APC: variants seen among roughly 807,000 people sequenced by gnomAD.
APC encodes the protein APC regulator of Wnt signaling pathway, also known as adenomatous polyposis coli protein.
In APC, 72 loss-of-function variants were observed where a neutral mutation model predicts 247.0. That is an observed-to-expected ratio of 0.29 (90% CI 0.24 to 0.35). The LOEUF (loss-of-function observed/expected upper bound fraction) is 0.35. Among genes scored for constraint, APC ranks in the 10% least tolerant of loss-of-function variants. The probability of loss-of-function intolerance (pLI) is 1.00; values close to 1 mark genes in which losing one functional copy is unlikely to be tolerated. For synonymous variants in APC, 1,254 were observed against 1,162.5 expected (o/e 1.08, Z -1.60); for missense variants, 3,400 against 3,360.7 (o/e 1.01, Z -0.29).
At chr5:112,824,502 A>G (rs1490786954) in intron 11 of APC, among the ~76,000 whole-genome samples, 3 of 152,156 alleles carry the variant, frequency 2.0e-5, no homozygotes, top group African/African-American at 7.2e-5. Context: ...GATATCTGCC[A>G]CATTCTTATT....
chr5:112,776,862 TAAAAAA>T (rs199876543), intron 5 of APC, among the ~76,000 whole-genome samples: 1 of 146,026 alleles, frequency 6.8e-6, no homozygotes. Context: ...AAAGAAAAAA[TAAAAAA>T]AAAAATAAAT....
At chr5:112,728,474 C>G (rs2149668371) in intron 1 of APC, among the ~76,000 whole-genome samples, 1 of 152,260 alleles carries the variant, frequency 6.6e-6, no homozygotes, top group East Asian at 1.9e-4. Context: ...TCCAGTGTTG[C>G]TCAGGGAAGC....
intron 1 of APC, among the ~76,000 whole-genome samples, chr5:112,717,151 C>T (rs141187480): frequency 0.047 from 7,102 of 152,180 alleles, 509 homozygotes; most frequent in African/African-American, 0.16. Context: ...GCTGGGATTA[C>T]AGGCATGTGC....
At chr5:112,786,954 T>G (rs977977638) in intron 6 of APC, among the ~76,000 whole-genome samples, 2 of 150,434 alleles carry the variant, frequency 1.3e-5, no homozygotes, top group Admixed American at 1.3e-4. Context: ...GTCATGCAAT[T>G]TTGTCTCACT....
intron 1 of APC, among the ~76,000 whole-genome samples, chr5:112,749,223 T>A (rs1754017948): frequency 6.6e-6 from 1 of 152,242 alleles, no homozygotes; most frequent in Non-Finnish European, 1.5e-5. Flanking sequence ...TTTAGATTTT[T>A]CAAATCAACA....
chr5:112,776,892 A>G (rs1757722436), intron 5 of APC, among the ~76,000 whole-genome samples: 2 of 152,078 alleles, frequency 1.3e-5, no homozygotes, highest in African/African-American at 4.8e-5. Flanking sequence ...TCACTAGAGG[A>G]ATCTTTAAGT....
intron 4 of APC, among the ~76,000 whole-genome samples, chr5:112,769,053 T>C (rs530023373): frequency 9.4e-5 from 13 of 137,650 alleles, no homozygotes; most frequent in East Asian, 2.1e-4. Flanking sequence ...TTTTCTTCTT[T>C]TTTTTTTTTT....
intron 1 of APC, among the ~76,000 whole-genome samples, chr5:112,743,151 C>G (rs371275892): frequency 6.6e-6 from 1 of 152,170 alleles, no homozygotes; most frequent in Non-Finnish European, 1.5e-5. Context: ...TCTTCAGTGC[C>G]AGCAGCATTC....
chr5:112,810,603 G>C (rs1470844276), intron 8 of APC, among the ~76,000 whole-genome samples: 1 of 152,188 alleles, frequency 6.6e-6, no homozygotes, highest in Non-Finnish European at 1.5e-5. Context: ...CTCTAATGCT[G>C]CCTGGCACTT....
intron 14 of APC, among the ~76,000 whole-genome samples, chr5:112,834,487 C>T (rs930321074): frequency 1.1e-4 from 17 of 151,670 alleles, no homozygotes; most frequent in Admixed American, 1.1e-3. Context: ...TCAGATGATC[C>T]ACCCGTCAGC....
At chr5:112,788,515 A>C (rs924057525) in intron 6 of APC, among the ~76,000 whole-genome samples, 1 of 152,172 alleles carries the variant, frequency 6.6e-6, no homozygotes, top group Non-Finnish European at 1.5e-5. Flanking sequence ...AGATAGTGAT[A>C]AACTGTAAAA....
At chr5:112,776,352 A>T (rs1757648306) in intron 5 of APC, among the ~76,000 whole-genome samples, 1 of 152,210 alleles carries the variant, frequency 6.6e-6, no homozygotes, top group African/African-American at 2.4e-5. Context: ...GCATATAATG[A>T]ATGTGTTGGA....
At chr5:112,767,846 G>T (rs2149791469) in intron 4 of APC, among the ~76,000 whole-genome samples, 1 of 150,986 alleles carries the variant, frequency 6.6e-6, no homozygotes, top group Non-Finnish European at 1.5e-5. Flanking sequence ...GGCCAAGCTG[G>T]TTATCACTTA....
intron 4 of APC, among the ~76,000 whole-genome samples, chr5:112,773,956 A>G (rs965459393): frequency 6.6e-6 from 1 of 152,222 alleles, no homozygotes; most frequent in African/African-American, 2.4e-5. Context: ...TGAATTAAAC[A>G]CTTAAATTGG....
intron 8 of APC, among the ~76,000 whole-genome samples, chr5:112,814,449 A>G (rs940233365): frequency 3.3e-5 from 5 of 152,052 alleles, no homozygotes; most frequent in Non-Finnish European, 5.9e-5. Context: ...CAAGCTTGAC[A>G]CCTCCAAGTT....
chr5:112,819,142 G>A lies in APC; in HGVS notation c.1110G>A (p.Leu370=), dbSNP rs1439967202. The A allele has an allele frequency of 6.2e-7, 1 of 1,613,898 alleles. No homozygotes were observed. Among genetic ancestry groups the A allele is most frequent in the Non-Finnish European group, 8.5e-7 (1 of 1,179,988 alleles). ...GCAATGACAAAGACTCTGTATTGTT[G>A]GGAAATTCCCGGGGCAGTAAAGAGG... The part of the protein sequence containing the change: ...LHGNDKDSVL[L]GNSRGSKEAR... Residue 370 remains leucine, a synonymous_variant, in exon 10 of 16, where the codon TTG becomes TTA. Transcript: ENST00000257430.
At chr5:112,783,275 A>T (rs915858844) in intron 6 of APC, among the ~76,000 whole-genome samples, 1 of 152,170 alleles carries the variant, frequency 6.6e-6, no homozygotes, top group Non-Finnish European at 1.5e-5. Context: ...TTCTTACTTT[A>T]TTCTGGAATG....
intron 5 of APC, among the ~76,000 whole-genome samples, chr5:112,776,415 G>A (rs891490841): frequency 5.3e-5 from 8 of 152,198 alleles, no homozygotes; most frequent in Non-Finnish European, 1.0e-4. Context: ...TTTGTTCACC[G>A]ATTTATGACA....
At chr5:112,811,943 C>T (rs181853742) in intron 8 of APC, among the ~76,000 whole-genome samples, 3 of 152,254 alleles carry the variant, frequency 2.0e-5, no homozygotes, top group African/African-American at 7.2e-5. Flanking sequence ...GGATCTGCTT[C>T]TAAGTTCACT....
Sources: gnomAD v4.1 joint callset for allele counts (sites outside exome capture counted in the v4.1 genomes callset) on GRCh38, gnomAD v4.1.1 for gene constraint, MANE v1.5 for transcripts, NCBI Gene and HGNC (gene_info 2026-07-23, HGNC 2026-07-21) for gene names.